The following EXOC4 variants were observed in gnomAD, a reference collection of about 807,000 sequenced individuals.
EXOC4 encodes the protein SEC8-like 1.
A neutral mutation model predicts 107.2 loss-of-function variants in EXOC4; 71 were observed. The observed-to-expected ratio is 0.66, with a 90% confidence interval of 0.55 to 0.81. The LOEUF (loss-of-function observed/expected upper bound fraction) is 0.81. Among genes scored for constraint, EXOC4 ranks in the 30% least tolerant of loss-of-function variants. The pLI is 0.00. For missense variants in EXOC4, 1,108 were observed against 1,189.6 expected, an observed-to-expected ratio of 0.93 and a Z score of 1.01; for synonymous variants, 456 against 441.2, an observed-to-expected ratio of 1.03 and a Z score of -0.42.
chr7:133,855,453 T>C (rs1798355229), intron 11 of EXOC4, among the ~76,000 whole-genome samples: 1 of 152,024 alleles, frequency 6.6e-6, no homozygotes, highest in African/African-American at 2.4e-5. Flanking sequence ...GGAGAATTGA[T>C]TATCTCAATT....
chr7:133,417,447 G>A (rs1029297313), intron 7 of EXOC4, among the ~76,000 whole-genome samples: 4 of 152,098 alleles, frequency 2.6e-5, no homozygotes, highest in Non-Finnish European at 5.9e-5. Context: ...AAATGGTTTT[G>A]TACTCAGAAC....
chr7:133,492,665 T>G (rs933489131), intron 9 of EXOC4, among the ~76,000 whole-genome samples: 1 of 152,114 alleles, frequency 6.6e-6, no homozygotes, highest in Non-Finnish European at 1.5e-5. Flanking sequence ...TTTTCTAGGC[T>G]TTCGTTGATG....
chr7:133,722,578 G>A (rs952823285), intron 10 of EXOC4, among the ~76,000 whole-genome samples: 3 of 152,072 alleles, frequency 2.0e-5, no homozygotes, highest in East Asian at 1.9e-4. Context: ...TAATACAACT[G>A]GTGTAGTAAG....
intron 7 of EXOC4, among the ~76,000 whole-genome samples, chr7:133,381,973 C>T (rs77772628): frequency 0.04 from 6,036 of 152,086 alleles, 415 homozygotes; most frequent in African/African-American, 0.14. Flanking sequence ...ACTCTGGGGG[C>T]GGGACCTTCA....
intron 17 of EXOC4, among the ~76,000 whole-genome samples, chr7:134,035,971 C>T (rs1342702090): frequency 1.3e-5 from 2 of 152,118 alleles, no homozygotes; most frequent in Non-Finnish European, 2.9e-5. Context: ...TAACTGGCAA[C>T]GGAAATGGAG....
At chr7:133,421,852 T>C (rs986935325) in intron 7 of EXOC4, among the ~76,000 whole-genome samples, 3 of 152,202 alleles carry the variant, frequency 2.0e-5, no homozygotes, top group African/African-American at 4.8e-5. Flanking sequence ...GCTTCATTCA[T>C]TGAATAGTCA....
intron 5 of EXOC4, among the ~76,000 whole-genome samples, chr7:133,338,962 G>A (rs1795595480): frequency 6.6e-6 from 1 of 152,042 alleles, no homozygotes; most frequent in South Asian, 2.1e-4. Context: ...ATGTTGGTCA[G>A]GCTGGTCTCG....
intron 7 of EXOC4, among the ~76,000 whole-genome samples, chr7:133,443,005 C>T (rs746105668): frequency 3.0e-4 from 46 of 152,246 alleles, no homozygotes; most frequent in Middle Eastern, 3.4e-3. Flanking sequence ...ATGTAATCTA[C>T]AATACAAAGT....
At chr7:133,294,613 A>T (rs1264186160) in intron 3 of EXOC4, among the ~76,000 whole-genome samples, 2 of 152,124 alleles carry the variant, frequency 1.3e-5, no homozygotes, top group Non-Finnish European at 2.9e-5. Flanking sequence ...ATAACAACTT[A>T]TATTTATATA....
intron 12 of EXOC4, among the ~76,000 whole-genome samples, chr7:133,898,700 C>T (rs1360081746): frequency 7.8e-4 from 100 of 128,852 alleles, no homozygotes; most frequent in Admixed American, 2.1e-3. Flanking sequence ...GAGCAGAGAT[C>T]GCGCCACTGC....
intron 3 of EXOC4, among the ~76,000 whole-genome samples, chr7:133,296,106 C>A (rs1470474521): frequency 1.3e-5 from 2 of 152,106 alleles, no homozygotes; most frequent in African/African-American, 4.8e-5. Flanking sequence ...ATATTCTAAG[C>A]TAATAATTTA....
chr7:134,014,677 C>A (rs1794859294), intron 17 of EXOC4, among the ~76,000 whole-genome samples: 1 of 151,922 alleles, frequency 6.6e-6, no homozygotes, highest in Non-Finnish European at 1.5e-5. Context: ...GATGAAAATG[C>A]ACTAAACTAG....
intron 9 of EXOC4, among the ~76,000 whole-genome samples, chr7:133,597,543 A>C (rs993568694): frequency 7.7e-6 from 1 of 129,444 alleles, no homozygotes; most frequent in Non-Finnish European, 1.6e-5. Flanking sequence ...AAGAAGAGCG[A>C]AACTCTGTTT....
intron 10 of EXOC4, among the ~76,000 whole-genome samples, chr7:133,770,058 C>T (rs1796214337): frequency 7.2e-6 from 1 of 139,568 alleles, no homozygotes; most frequent in Non-Finnish European, 1.5e-5. Context: ...CATGTGTAGC[C>T]ATCTATACAT....
chr7:133,702,684 G>A (rs1344330154), intron 10 of EXOC4, among the ~76,000 whole-genome samples: 1 of 152,000 alleles, frequency 6.6e-6, no homozygotes, highest in Non-Finnish European at 1.5e-5. Context: ...ACCAAGAAGT[G>A]GATCACCTAG....
At chr7:133,850,843 T>C (rs932045909) in intron 11 of EXOC4, among the ~76,000 whole-genome samples, 10 of 152,224 alleles carry the variant, frequency 6.6e-5, no homozygotes, top group Admixed American at 3.3e-4. Flanking sequence ...TACTCATTCC[T>C]TCTAGTTTTG....
rs761122078 is a variant in EXOC4, at chr7:133,895,690, G to T, written c.1826G>T (p.Cys609Phe). The T allele has an allele frequency of 6.2e-7, 1 of 1,614,160 alleles. No individual in the cohort carries two copies. The highest frequency in any genetic ancestry group is 8.5e-7 in the Non-Finnish European group (1 of 1,180,018). The change falls in exon 12 of 18, where the codon TGC becomes TTC. Residue 609 changes from cysteine to phenylalanine, a missense_variant. Physicochemically the swap from Cys to Phe is radical, Grantham distance 205. Coordinates refer to ENST00000253861, the MANE Select transcript of EXOC4 (RefSeq NM_021807.4). ...TCAGATCAATTCCTCAACATGGTGTGCGTGAAGCTCCAGGAGTACAAGGAC... is the reference window on the plus strand; with the variant it reads ...TCAGATCAATTCCTCAACATGGTGTTCGTGAAGCTCCAGGAGTACAAGGAC... Reference protein sequence around the residue: ...AYSDQFLNMVCVKLQEYKDTC... With the variant: ...AYSDQFLNMVFVKLQEYKDTC...
At chr7:133,793,855 T>TAA (rs1176905303) in intron 10 of EXOC4, among the ~76,000 whole-genome samples, 10 of 4,358 alleles carry the variant, frequency 2.3e-3, no homozygotes, top group Admixed American at 4.5e-3. Flanking sequence ...ACACAAAAAA[T>TAA]AAATAAAAAT....
At chr7:133,295,501 A>G (rs1210559674) in intron 3 of EXOC4, among the ~76,000 whole-genome samples, 1 of 152,182 alleles carries the variant, frequency 6.6e-6, no homozygotes, top group Admixed American at 6.5e-5. Context: ...ACTTTTAGGT[A>G]AGTAAATATG....
Sources: gnomAD v4.1 joint callset for allele counts (sites outside exome capture counted in the v4.1 genomes callset) on GRCh38, gnomAD v4.1.1 for gene constraint, MANE v1.5 for transcripts, NCBI Gene and HGNC (gene_info 2026-07-23, HGNC 2026-07-21) for gene names.